NUP58: variants seen among roughly 807,000 people sequenced by gnomAD.
The protein encoded by NUP58 is nucleoporin p58/p45.
NUP58 carries 17 observed loss-of-function variants against 70.1 expected under a neutral mutation model. The ratio of observed to expected loss-of-function variants is 0.24; its 90% confidence interval spans 0.17 to 0.36. NUP58 has a LOEUF of 0.36. Ranked by LOEUF, NUP58 falls within the 10% of genes least tolerant of loss-of-function variation. The pLI is 1.00. For synonymous variants in NUP58, 275 were observed against 257.6 expected (o/e 1.07, Z -0.65); for missense variants, 644 against 701.5 (o/e 0.92, Z 0.93).
Position 25,341,817 on chromosome 13 carries a change from G to C in NUP58, c.*1683G>C, listed in dbSNP as rs2031965888. The C allele has an allele frequency of 3.3e-5, 5 of 152,614 alleles. No individual in the cohort carries two copies. The South Asian group carries it at 1.0e-3, about 32-fold the overall frequency. 9.5% of individuals were successfully genotyped at this position (152,614 alleles called of 1,614,324 possible). On this transcript the variant is annotated 3_prime_UTR_variant, in exon 16 of 16. Transcript: ENST00000381736. ...AATAGTTTAATTTTTTATATAAAAGGTTTTGTATATAATGTGTGTCAGTGA... is the reference window on the plus strand; with the variant it reads ...AATAGTTTAATTTTTTATATAAAAGCTTTTGTATATAATGTGTGTCAGTGA...
At chr13:25,322,183 G>A (rs907547905) in intron 9 of NUP58, among the ~76,000 whole-genome samples, 3 of 152,286 alleles carry the variant, frequency 2.0e-5, no homozygotes, top group Admixed American at 6.5e-5. Flanking sequence ...TGTGAGATAC[G>A]CCTTTTTGCT....
rs995144644 is a variant in NUP58 at position 25,305,563 on chromosome 13, A to C, written c.108-2243A>C. 1.2e-4 allele frequency among the ~76,000 whole-genome samples: 18 copies of C among 152,124 alleles called. 1 individual carries two copies. Among genetic ancestry groups the C allele is most frequent in the East Asian group, 3.9e-4 (2 of 5,172 alleles). On this transcript the variant is annotated intron_variant, in intron 1 of 15. Transcript: ENST00000381736. Reference sequence around the variant, plus strand: ...CCCAAGGTGCACACAAACACATTTTAAAAATCAGTACTTCTCCTTTTACCT... The same window carrying C: ...CCCAAGGTGCACACAAACACATTTTCAAAATCAGTACTTCTCCTTTTACCT...
At chr13:25,305,747 C>T (rs2030318760) in intron 1 of NUP58, among the ~76,000 whole-genome samples, 1 of 152,130 alleles carries the variant, frequency 6.6e-6, no homozygotes, top group Admixed American at 6.5e-5. Context: ...TCTAAACTTA[C>T]TGAAGGTGTG....
intron 13 of NUP58, 21 bp from the exon 14 acceptor site, chr13:25,336,915 T>TC: frequency 7.8e-7 from 1 of 1,287,046 alleles, no homozygotes; most frequent in Non-Finnish European, 1.0e-6. Flanking sequence ...CCCCCCCATT[T>TC]TTTTTTTTTT....
intron 13 of NUP58, chr13:25,336,090 C>T (rs1308600568): frequency 3.2e-6 from 4 of 1,246,364 alleles, no homozygotes; most frequent in Middle Eastern, 5.0e-4. Context: ...ACTAATCGTT[C>T]TGCTTCTGAG....
rs542073806 is a variant in NUP58 at position 25,318,826 on chromosome 13, T to C, written c.686-500T>C. Among the ~76,000 whole-genome samples, 139 of 152,288 alleles carry C rather than the reference T, an allele frequency of 9.1e-4. 1 individual carries two copies. The highest frequency in any genetic ancestry group is 7.2e-4 in the Admixed American group (11 of 15,296). On this transcript the variant is annotated intron_variant, in intron 6 of 15. Coordinates refer to ENST00000381736, the MANE Select transcript of NUP58 (RefSeq NM_014089.4). ...TAGTTGTTTTAAGGGATTGTCAGAT[T>C]GGAGAAGTACAGGTAATCTGACAGT...
intron 14 of NUP58, 102 bp from the exon 15 acceptor site, chr13:25,338,534 C>T (rs2031859619): frequency 2.6e-6 from 2 of 755,780 alleles, no homozygotes; most frequent in South Asian, 3.5e-5. Context: ...TTTTTCAGCA[C>T]TGTATCTGTT....
At chr13:25,309,115 T>G in intron 2 of NUP58, 132 bp from the exon 3 acceptor site, 1 of 658,128 alleles carries the variant, frequency 1.5e-6, no homozygotes, top group Non-Finnish European at 2.7e-6. Context: ...GCAGATACTA[T>G]GATATGTATT....
chr13:25,325,104 A>T, intron 10 of NUP58, 36 bp downstream of exon 10: 1 of 1,423,682 alleles, frequency 7.0e-7, no homozygotes, highest in Non-Finnish European at 9.8e-7. Flanking sequence ...AATGTTTCTC[A>T]CTTTCAGAAA....
At chr13:25,333,864 C>T in intron 13 of NUP58, 1 of 985,196 alleles carries the variant, frequency 1.0e-6, no homozygotes. Context: ...CACTGTTGAT[C>T]TATACAAGAT....
chr13:25,311,406 G>T (rs2030658636), intron 3 of NUP58, among the ~76,000 whole-genome samples: 2 of 152,138 alleles, frequency 1.3e-5, no homozygotes, highest in South Asian at 4.2e-4. Flanking sequence ...ACGGAGTTTT[G>T]GTCTTGTTGC....
At chr13:25,306,514 T>A (rs2030370948) in intron 1 of NUP58, among the ~76,000 whole-genome samples, 1 of 152,060 alleles carries the variant, frequency 6.6e-6, no homozygotes, top group South Asian at 2.1e-4. Flanking sequence ...CATGGGGGGA[T>A]TGGTACTGGA....
chr13:25,326,077 C>T (rs149467074), intron 10 of NUP58, among the ~76,000 whole-genome samples: 58 of 152,218 alleles, frequency 3.8e-4, no homozygotes, highest in African/African-American at 1.3e-3. Flanking sequence ...TGCTAAAGTA[C>T]TTCAGTGGAT....
chr13:25,314,388 G>C (rs1395696653), intron 5 of NUP58, among the ~76,000 whole-genome samples: 3 of 151,960 alleles, frequency 2.0e-5, no homozygotes, highest in Non-Finnish European at 4.4e-5. Context: ...AGTAATGCAT[G>C]GTCTTATAAA....
intron 13 of NUP58, chr13:25,335,065 TG>T: frequency 1.0e-6 from 1 of 985,160 alleles, no homozygotes; most frequent in Non-Finnish European, 1.2e-6. Flanking sequence ...TACTTTGGCA[TG>T]GGAGATATTT....
At chr13:25,333,518 C>T (rs1035672431) in intron 13 of NUP58, 9 of 985,124 alleles carry the variant, frequency 9.1e-6, no homozygotes, top group East Asian at 1.1e-4. Context: ...ACAGTGTTTT[C>T]GCTTTGAATT....
chr13:25,331,464 A>G lies in NUP58; in HGVS notation c.1341A>G (p.Arg447=). ...CCAAGAAGTGGCAGAACACACCCAG[A>G]GTTACTACTGGACCCACTCCTTTCA... The part of the protein sequence containing the change: ...AEAKKWQNTP[R]VTTGPTPFST... The change falls in exon 13 of 16, where the codon AGA becomes AGG. Residue 447 remains arginine, a synonymous_variant. Transcript: ENST00000381736. 2 of 1,614,196 alleles carry G rather than the reference A, an allele frequency of 1.2e-6. No individual in the cohort carries two copies. Among genetic ancestry groups the G allele is most frequent in the Non-Finnish European group, 1.7e-6 (2 of 1,180,026 alleles).
chr13:25,321,134 TTTTG>T lies in NUP58; in HGVS notation c.951+45_951+48del, dbSNP rs756244669. ...GCCATTTTACCGTAGGGTTTTTTTG[TTTTG>T]TTTTTTCCAAAATGGAAATAAGGTG... is the stretch of plus-strand genomic sequence containing the variant. On this transcript the variant is annotated intron_variant, in intron 9 of 15. Transcript: ENST00000381736. The T allele has an allele frequency of 2.6e-6, 4 of 1,524,400 alleles. No individual in the cohort carries two copies. In the African/African-American group the frequency reaches 5.7e-5, roughly 22 times the overall value. 94.4% of individuals were successfully genotyped at this position (1,524,400 alleles called of 1,614,324 possible). A position where few individuals can be genotyped will look rare whatever the true frequency, so the allele number is the denominator to read the frequency against.
chr13:25,313,786 T>C (rs762270627), intron 5 of NUP58, 35 bp downstream of exon 5: 2 of 1,448,922 alleles, frequency 1.4e-6, no homozygotes, highest in East Asian at 2.8e-5. Context: ...GAATAGTAAA[T>C]ATTTATATTT....
Sources: allele counts gnomAD v4.1 joint callset (sites outside exome capture counted in the v4.1 genomes callset), GRCh38; gene constraint gnomAD v4.1.1; transcripts MANE v1.5; gene names NCBI Gene and HGNC (gene_info 2026-07-23, HGNC 2026-07-21).